BPIFB6: variants seen among roughly 807,000 people sequenced by gnomAD.
BPIFB6 encodes BPI fold-containing family B member 6.
BPIFB6 carries 47 observed loss-of-function variants against 54.7 expected under a neutral mutation model. The observed-to-expected ratio is 0.86, with a 90% CI of 0.68 to 1.10. The LOEUF (loss-of-function observed/expected upper bound fraction) is 1.10, where lower values mean the gene tolerates loss of function less well. BPIFB6 is among the 50% of genes least tolerant of loss of function. BPIFB6 has a pLI of 0.00. For missense variants in BPIFB6, 603 were observed against 564.1 expected, an observed-to-expected ratio of 1.07 and a Z score of -0.70; for synonymous variants, 255 against 225.9, an observed-to-expected ratio of 1.13 and a Z score of -1.16.
chr20:33,035,142 C>A lies in BPIFB6; in HGVS notation c.514C>A (p.Leu172Met), dbSNP rs768433319. ...CACCCTGCACAAAGTCCTCCCTGGGCTGGTGAGTGACCCAGAGAAAGCCTC... is the reference window on the plus strand; with the variant it reads ...CACCCTGCACAAAGTCCTCCCTGGGATGGTGAGTGACCCAGAGAAAGCCTC... ...DSTLHKVLPG[L>M]MCPAIDAVLV... is the part of the protein sequence containing the mutation. The change falls in exon 5 of 15, where the codon CTG becomes ATG. Residue 172 changes from leucine to methionine, a missense_variant and splice_region_variant. Physicochemically the swap from Leu to Met is conservative, Grantham distance 15. Transcript: ENST00000349552. 10 of 1,613,648 alleles carry A rather than the reference C, an allele frequency of 6.2e-6. No homozygotes were observed. Among genetic ancestry groups the A allele is most frequent in the Non-Finnish European group, 8.5e-6 (10 of 1,179,980 alleles).
chr20:33,039,211 A>T, intron 9 of BPIFB6, 136 bp from the exon 10 acceptor site: 1 of 988,344 alleles, frequency 1.0e-6, no homozygotes, highest in Non-Finnish European at 1.5e-6. Context: ...ATTTCCTGAT[A>T]GACACATCCT....
intron 1 of BPIFB6, 128 bp downstream of exon 1, chr20:33,031,872 T>C (rs1979116321): frequency 2.8e-6 from 2 of 721,912 alleles, no homozygotes; most frequent in Non-Finnish European, 4.8e-6. Flanking sequence ...TAAGCAAGTG[T>C]TATTATTATT....
chr20:33,035,698 G>T, intron 6 of BPIFB6, 26 bp downstream of exon 6: 2 of 1,607,034 alleles, frequency 1.2e-6, no homozygotes, highest in Admixed American at 3.3e-5. Flanking sequence ...CCCACACCTT[G>T]CCCCTACCTA....
intron 6 of BPIFB6, 76 bp downstream of exon 6, chr20:33,035,748 A>C: frequency 1.4e-6 from 2 of 1,439,762 alleles, no homozygotes; most frequent in Non-Finnish European, 2.0e-6. Context: ...CCCATTCCCC[A>C]TCCTAGTGCC....
downstream of BPIFB6, chr20:33,044,100 C>T (rs909691595): frequency 1.3e-5 from 21 of 1,608,854 alleles, no homozygotes; most frequent in East Asian, 2.2e-5. Context: ...CACCTGCACC[C>T]CATGGAGGAG....
intron 12 of BPIFB6, 106 bp from the exon 13 acceptor site, chr20:33,042,709 A>C (rs908685972): frequency 4.3e-5 from 45 of 1,044,074 alleles, no homozygotes; most frequent in Non-Finnish European, 3.3e-5. Context: ...TTGATGTCTA[A>C]TATTCACTTC....
intron 6 of BPIFB6, 140 bp downstream of exon 6, chr20:33,035,812 C>A: frequency 1.2e-6 from 1 of 868,602 alleles, no homozygotes; most frequent in Non-Finnish European, 1.9e-6. Context: ...GATGTTCATC[C>A]CCCCACTGTC....
rs1387511569 is a variant in BPIFB6 at position 33,034,223 on chromosome 20, C to G, written c.235C>G (p.Leu79Val). The change falls in exon 3 of 15, where the codon CTG becomes GTG. Residue 79 changes from leucine to valine, a missense_variant. Transcript: ENST00000349552. ...VKDVQLPVITLNFVPGVGIFQ... is the reference protein window; with the variant it reads ...VKDVQLPVITVNFVPGVGIFQ... ...GGATGTCCAGCTGCCCGTCATCACA[C>G]TGAACTTTGTACCTGGAGTGGGCAT... 6.2e-7 allele frequency: 1 copy of G among 1,614,190 alleles called. No homozygotes were observed. The highest frequency in any genetic ancestry group is 1.7e-5 in the Admixed American group (1 of 60,030).
At chr20:33,042,063 G>A (rs766579505) in intron 12 of BPIFB6, 48 bp downstream of exon 12, 4 of 1,577,002 alleles carry the variant, frequency 2.5e-6, no homozygotes, top group South Asian at 1.1e-5. Context: ...GACAAGACTG[G>A]GCCTATTCTC....
intron 6 of BPIFB6, among the ~76,000 whole-genome samples, 163 bp from the exon 7 acceptor site, chr20:33,036,282 T>C (rs536501050): frequency 5.3e-5 from 8 of 152,304 alleles, no homozygotes; most frequent in Admixed American, 1.3e-4. Context: ...CCAGGAACCA[T>C]GGCCTCTATT....
intron 8 of BPIFB6, 41 bp downstream of exon 8, chr20:33,037,779 T>C (rs755372202): frequency 6.3e-7 from 1 of 1,598,708 alleles, no homozygotes; most frequent in South Asian, 1.1e-5. Context: ...CCTCTGTCCA[T>C]TACAATGCAG....
At chr20:33,034,311 G>T in intron 3 of BPIFB6, 21 bp downstream of exon 3, 2 of 1,546,432 alleles carry the variant, frequency 1.3e-6, no homozygotes, top group Non-Finnish European at 1.8e-6. Flanking sequence ...CAGGGGAGGG[G>T]CAGCGGGGAG....
At position 33,039,436 on chromosome 20, in the gene BPIFB6, C is replaced by A; in HGVS notation, c.990C>A (p.Ser330Arg). The change falls in exon 10 of 15, where the codon AGC (serine) becomes AGA (arginine). Residue 330 changes from serine (S) to arginine (R), a missense_variant. Coordinates refer to ENST00000349552, the MANE Select transcript of BPIFB6 (RefSeq NM_174897.2). Reference protein sequence around the residue: ...PPKVTMKTGKSLLHLHSTLEM... With the variant: ...PPKVTMKTGKRLLHLHSTLEM... Reference sequence around the variant, plus strand: ...AGGTCACTATGAAGACAGGCAAGAGCCTGCTGCACCTCCACAGCACCCTGG... The same window carrying A: ...AGGTCACTATGAAGACAGGCAAGAGACTGCTGCACCTCCACAGCACCCTGG... 1 of 1,614,202 alleles carries A rather than the reference C, an allele frequency of 6.2e-7. No homozygotes were observed. The highest frequency in any genetic ancestry group is 1.3e-5 in the African/African-American group (1 of 75,068).
In BPIFB6 at chr20:33,043,382, T is replaced by C; in HGVS notation, c.1329+15T>C. On this transcript the variant is annotated intron_variant, in intron 14 of 14. Coordinates refer to ENST00000349552, the MANE Select transcript of BPIFB6 (RefSeq NM_174897.2). Reference sequence around the variant, plus strand: ...ACATAGTAGAGGTGAGAGGAGGGGCTAGGGGAGGTCATGTCAATCAACACT... The same window carrying C: ...ACATAGTAGAGGTGAGAGGAGGGGCCAGGGGAGGTCATGTCAATCAACACT... 1.2e-6 allele frequency: 2 copies of C among 1,611,488 alleles called. No individual in the cohort carries two copies. The highest frequency in any genetic ancestry group is 1.3e-5 in the African/African-American group (1 of 74,950).
Position 33,035,167 on chromosome 20 carries a change from C to A in BPIFB6, c.516+23C>A, listed in dbSNP as rs766036783. The stretch of plus-strand genomic sequence containing the variant: ...CTGGTGAGTGACCCAGAGAAAGCCT[C>A]CACCCCTCGTTGCTGGGACTGCTTA... On this transcript the variant is annotated intron_variant, in intron 5 of 14. Coordinates refer to ENST00000349552, the MANE Select transcript of BPIFB6 (RefSeq NM_174897.2). 4 of 1,611,776 alleles carry A rather than the reference C, an allele frequency of 2.5e-6. No individual in the cohort carries two copies. The Admixed American group carries it at 6.7e-5, about 27-fold the overall frequency.
chr20:33,037,237 CTCTT>C (rs1457019843), intron 7 of BPIFB6, among the ~76,000 whole-genome samples: 2 of 152,246 alleles, frequency 1.3e-5, no homozygotes, highest in Non-Finnish European at 2.9e-5. Context: ...TTCCGCCTGT[CTCTT>C]TCTCTTGAGA....
chr20:33,042,905 A>G, intron 13 of BPIFB6, 27 bp downstream of exon 13: 2 of 1,608,318 alleles, frequency 1.2e-6, no homozygotes, highest in Non-Finnish European at 8.5e-7. Flanking sequence ...GCTTTGGACC[A>G]TGGTGCCAAG....
At chr20:33,032,505 A>G (rs1979148035) in intron 1 of BPIFB6, among the ~76,000 whole-genome samples, 1 of 152,124 alleles carries the variant, frequency 6.6e-6, no homozygotes, top group Non-Finnish European at 1.5e-5. Flanking sequence ...GGATAAAGTC[A>G]GTACCCTAGG....
chr20:33,041,478 G>A (rs577197047), intron 11 of BPIFB6, among the ~76,000 whole-genome samples: 13 of 152,292 alleles, frequency 8.5e-5, no homozygotes, highest in Non-Finnish European at 1.6e-4. Context: ...CTTGGAATCA[G>A]AGTGGAAAAT....
Sources: gnomAD v4.1 joint callset for allele counts (sites outside exome capture counted in the v4.1 genomes callset) on GRCh38, gnomAD v4.1.1 for gene constraint, MANE v1.5 for transcripts, NCBI Gene and HGNC (gene_info 2026-07-23, HGNC 2026-07-21) for gene names.